PCNX1: variants seen among roughly 807,000 people sequenced by gnomAD.
PCNX1 encodes pecanex-like protein 1.
A neutral mutation model predicts 242.2 loss-of-function variants in PCNX1; 78 were observed. The observed-to-expected ratio is 0.32, with a 90% CI of 0.27 to 0.39. PCNX1 has a LOEUF of 0.39. PCNX1 is among the 10% of genes least tolerant of loss of function. The pLI, the probability that PCNX1 is intolerant of heterozygous loss-of-function variation, is 1.00. For missense variants in PCNX1, 2,581 were observed against 2,856.5 expected (o/e 0.90, Z 2.20); for synonymous variants, 1,024 against 1,032.9 (o/e 0.99, Z 0.17).
At chr14:70,913,258 T>C (rs538486359) in intron 1 of PCNX1, among the ~76,000 whole-genome samples, 2 of 152,316 alleles carry the variant, frequency 1.3e-5, no homozygotes, top group South Asian at 2.1e-4. Context: ...TGAAGCTTTT[T>C]TAGACTTGTT....
rs1262195701 is a variant in PCNX1, at chr14:71,098,549, T to TGAGA, written c.5590-3440_5590-3439insAGAG. On this transcript the variant is annotated intron_variant, in intron 30 of 35. Coordinates refer to ENST00000304743, the MANE Select transcript of PCNX1 (RefSeq NM_014982.3). ...GTGTGTGTGTGTGTGTGTGTGTGTG[T>TGAGA]GTGTGAGAGAGAGAGAGAGAACATT... Among the ~76,000 whole-genome samples the TGAGA allele has an allele frequency of 0.013, 1,722 of 127,910 alleles. 75 individuals carry two copies. The East Asian group carries it at 0.22, about 16-fold the overall frequency. 83.9% of individuals were successfully genotyped at this position (127,910 alleles called of 152,430 possible). A position where few individuals can be genotyped will look rare whatever the true frequency, so the allele number is the denominator to read the frequency against.
chr14:70,976,184 A>G (rs75718430), intron 5 of PCNX1, among the ~76,000 whole-genome samples: 189 of 152,274 alleles, frequency 1.2e-3, no homozygotes, highest in African/African-American at 4.4e-3. Flanking sequence ...GTCAAGCAAT[A>G]TATGTCATTA....
chr14:71,047,688 G>C, intron 21 of PCNX1, 119 bp from the exon 22 acceptor site: 1 of 749,768 alleles, frequency 1.3e-6, no homozygotes, highest in Admixed American at 2.8e-5. Context: ...ATTTTTGGAA[G>C]CTTACATTTA....
intron 20 of PCNX1, 75 bp from the exon 21 acceptor site, chr14:71,046,889 A>G: frequency 8.1e-7 from 1 of 1,234,264 alleles, no homozygotes; most frequent in Non-Finnish European, 1.1e-6. Context: ...ATTTGTTGTA[A>G]AATTTTTCTT....
chr14:70,936,042 A>C (rs943724875), intron 1 of PCNX1, among the ~76,000 whole-genome samples: 1 of 152,254 alleles, frequency 6.6e-6, no homozygotes, highest in African/African-American at 2.4e-5. Flanking sequence ...TATTTTGCTC[A>C]GAAAAGGCTA....
At chr14:71,007,762 T>C (rs185220671) in intron 8 of PCNX1, among the ~76,000 whole-genome samples, 43 of 152,314 alleles carry the variant, frequency 2.8e-4, no homozygotes, top group African/African-American at 1.0e-3. Flanking sequence ...AATTAAAATT[T>C]TTTTAATTTT....
At chr14:71,109,359 A>G (rs2062706979) in intron 34 of PCNX1, 93 bp from the exon 35 acceptor site, 1 of 1,146,842 alleles carries the variant, frequency 8.7e-7, no homozygotes. Context: ...TTAAAAAGTA[A>G]TTCCTCTCTG....
intron 1 of PCNX1, among the ~76,000 whole-genome samples, chr14:70,916,406 TGAA>T (rs1273571645): frequency 6.6e-6 from 1 of 152,006 alleles, no homozygotes; most frequent in East Asian, 1.9e-4. Flanking sequence ...AGTTGTAAAA[TGAA>T]GACGAAAAAA....
In PCNX1 at chr14:70,983,583, G is replaced by A. The variant is rs534337096; in HGVS notation, c.2311+4935G>A. Among the ~76,000 whole-genome samples, 28 of 151,872 alleles carry A rather than the reference G, an allele frequency of 1.8e-4. 1 individual carries two copies. Among genetic ancestry groups the A allele is most frequent in the African/African-American group, 5.3e-4 (22 of 41,522 alleles). On this transcript the variant is annotated intron_variant, in intron 6 of 35. Transcript: ENST00000304743. The stretch of plus-strand genomic sequence containing the variant: ...CTCCCAAAGTGCTGGGATTACAGGC[G>A]TGAGCCACCGTGCCCACCCATAGCT...
chr14:71,055,926 C>T (rs933002758), intron 25 of PCNX1, among the ~76,000 whole-genome samples: 1 of 152,134 alleles, frequency 6.6e-6, no homozygotes, highest in African/African-American at 2.4e-5. Context: ...CCACCCTTCC[C>T]TCAATGTTTT....
intron 1 of PCNX1, among the ~76,000 whole-genome samples, chr14:70,941,110 T>C (rs1330510858): frequency 1.3e-5 from 2 of 152,252 alleles, no homozygotes; most frequent in African/African-American, 4.8e-5. Flanking sequence ...TTACTGATCT[T>C]TTGAAGCCTA....
intron 7 of PCNX1, among the ~76,000 whole-genome samples, chr14:70,992,463 G>T (rs1346704288): frequency 6.6e-6 from 1 of 151,986 alleles, no homozygotes; most frequent in Non-Finnish European, 1.5e-5. Context: ...ACTCTTCTGG[G>T]TTTTTCTAGA....
intron 19 of PCNX1, among the ~76,000 whole-genome samples, chr14:71,038,670 C>T (rs948305880): frequency 6.6e-6 from 1 of 151,426 alleles, no homozygotes; most frequent in East Asian, 1.9e-4. Flanking sequence ...GTGGCGATTC[C>T]TCAGGGATCT....
chr14:71,076,159 ATTC>A lies in PCNX1; in HGVS notation c.5107-27_5107-25del, dbSNP rs773797649. The A allele has an allele frequency of 5.4e-6, 7 of 1,305,862 alleles. No individual in the cohort carries two copies. In the African/African-American group the frequency reaches 8.8e-5, roughly 16 times the overall value. 80.9% of individuals were successfully genotyped at this position (1,305,862 alleles called of 1,614,324 possible). On this transcript the variant is annotated intron_variant, in intron 27 of 35. Coordinates refer to ENST00000304743, the MANE Select transcript of PCNX1 (RefSeq NM_014982.3). ...TAATTGAAATTGTAATTTAATCTGAATTCTTTTTTTTTTGTCTTGTTCATGTTA... is the reference window on the plus strand; with the variant it reads ...TAATTGAAATTGTAATTTAATCTGAATTTTTTTTTTGTCTTGTTCATGTTA...
At chr14:70,968,498 C>G (rs1299748259) in intron 4 of PCNX1, among the ~76,000 whole-genome samples, 1 of 152,210 alleles carries the variant, frequency 6.6e-6, no homozygotes, top group Non-Finnish European at 1.5e-5. Flanking sequence ...TAAGAAACTT[C>G]CTTGCCCTTG....
At chr14:70,955,941 CATT>C (rs754912769) in intron 2 of PCNX1, among the ~76,000 whole-genome samples, 6 of 151,906 alleles carry the variant, frequency 3.9e-5, no homozygotes, top group African/African-American at 7.3e-5. Context: ...TCTTCCCACA[CATT>C]GTTGTTTGTT....
At chr14:71,063,901 T>C (rs1263094076) in intron 26 of PCNX1, among the ~76,000 whole-genome samples, 1 of 152,172 alleles carries the variant, frequency 6.6e-6, no homozygotes, top group African/African-American at 2.4e-5. Flanking sequence ...AAATTTGGGT[T>C]ATCAGTCATT....
intron 30 of PCNX1, among the ~76,000 whole-genome samples, chr14:71,096,265 C>T (rs911237863): frequency 2.0e-5 from 3 of 152,152 alleles, no homozygotes; most frequent in East Asian, 3.9e-4. Context: ...TTGCAGTGAG[C>T]TGAGATTGTG....
chr14:71,053,770 A>G (rs984242106), intron 24 of PCNX1, among the ~76,000 whole-genome samples: 2 of 152,268 alleles, frequency 1.3e-5, no homozygotes, highest in Admixed American at 1.3e-4. Flanking sequence ...ATTGTATATT[A>G]GCATAAATAA....
Sources: allele counts gnomAD v4.1 joint callset (sites outside exome capture counted in the v4.1 genomes callset), GRCh38; gene constraint gnomAD v4.1.1; transcripts MANE v1.5; gene names NCBI Gene and HGNC (gene_info 2026-07-23, HGNC 2026-07-21).